The following CSMD2 variants were observed in gnomAD, a reference collection of about 807,000 sequenced individuals.
The protein encoded by CSMD2 is CUB and Sushi multiple domains 2.
A neutral mutation model predicts 398.5 loss-of-function variants in CSMD2; 130 were observed. That is an observed-to-expected ratio of 0.33 (90% CI 0.28 to 0.38). The LOEUF (loss-of-function observed/expected upper bound fraction) is 0.38. CSMD2 is among the 10% of genes least tolerant of loss of function. The pLI, the probability that CSMD2 is intolerant of heterozygous loss-of-function variation, is 1.00. For missense variants in CSMD2, 3,829 were observed against 4,764.9 expected (o/e 0.80, Z 5.78); for synonymous variants, 1,828 against 1,908.5 (o/e 0.96, Z 1.10).
intron 3 of CSMD2, among the ~76,000 whole-genome samples, chr1:34,007,569 ACT>A (rs1647099905): frequency 6.6e-6 from 1 of 152,046 alleles, no homozygotes; most frequent in Non-Finnish European, 1.5e-5. Context: ...ACATACCAAA[ACT>A]CTTTGAAATG....
chr1:34,154,818 C>T (rs1040195309), intron 1 of CSMD2, among the ~76,000 whole-genome samples: 12 of 151,622 alleles, frequency 7.9e-5, no homozygotes, highest in Middle Eastern at 3.2e-3. Flanking sequence ...AACTCCACCT[C>T]CCAGGTTCAA....
intron 13 of CSMD2, among the ~76,000 whole-genome samples, chr1:33,746,978 G>A (rs1205885980): frequency 6.6e-6 from 1 of 152,164 alleles, no homozygotes; most frequent in Non-Finnish European, 1.5e-5. Flanking sequence ...ACATAGTACA[G>A]ATGTGTCCCT....
At chr1:33,781,806 A>T (rs1652801045) in intron 12 of CSMD2, among the ~76,000 whole-genome samples, 1 of 152,162 alleles carries the variant, frequency 6.6e-6, no homozygotes, top group Non-Finnish European at 1.5e-5. Context: ...AATTGCAACT[A>T]TGACTGCATT....
chr1:33,578,814 T>C (rs1360105429), intron 48 of CSMD2, among the ~76,000 whole-genome samples: 2 of 151,778 alleles, frequency 1.3e-5, no homozygotes, highest in Non-Finnish European at 2.9e-5. Flanking sequence ...CCTGGTGAGG[T>C]CCCCGGCCTC....
chr1:33,583,596 C>T, intron 47 of CSMD2, 46 bp downstream of exon 47: 1 of 1,577,968 alleles, frequency 6.3e-7, no homozygotes, highest in Non-Finnish European at 8.7e-7. Context: ...TGGAGCAAGT[C>T]CATGTCTTCT....
intron 2 of CSMD2, among the ~76,000 whole-genome samples, chr1:34,034,678 A>G (rs1650894884): frequency 6.6e-6 from 1 of 152,186 alleles, no homozygotes; most frequent in Non-Finnish European, 1.5e-5. Flanking sequence ...TTCTTAAACT[A>G]GCTTGACTTG....
intron 25 of CSMD2, among the ~76,000 whole-genome samples, chr1:33,676,691 A>G (rs1451765192): frequency 2.6e-5 from 4 of 152,150 alleles, no homozygotes; most frequent in Admixed American, 6.5e-5. Flanking sequence ...GAGGCATCAC[A>G]CTACCTGACT....
chr1:34,055,120 T>C (rs1359355659), intron 2 of CSMD2, among the ~76,000 whole-genome samples: 1 of 152,106 alleles, frequency 6.6e-6, no homozygotes, highest in Non-Finnish European at 1.5e-5. Flanking sequence ...CTGCTGCTTC[T>C]CCCAGCAGTC....
At chr1:33,792,365 AC>A (rs1039686529) in intron 11 of CSMD2, 57 bp downstream of exon 11, 19 of 1,252,992 alleles carry the variant, frequency 1.5e-5, no homozygotes, top group Admixed American at 3.4e-5. Flanking sequence ...CACAAACCCC[AC>A]CCCACCAACC....
At chr1:33,893,176 G>T (rs1035074907) in intron 5 of CSMD2, among the ~76,000 whole-genome samples, 1 of 152,218 alleles carries the variant, frequency 6.6e-6, no homozygotes, top group African/African-American at 2.4e-5. Context: ...GGAGGGGAAA[G>T]AAATTAAAAC....
intron 13 of CSMD2, among the ~76,000 whole-genome samples, chr1:33,768,732 C>A (rs934960920): frequency 3.9e-5 from 6 of 152,106 alleles, no homozygotes; most frequent in Non-Finnish European, 5.9e-5. Flanking sequence ...AAGCCCAGCT[C>A]AAGTCTTGTA....
At position 33,635,445 on chromosome 1, in the gene CSMD2, G is replaced by A; in HGVS notation, c.4970-115C>T. 1.6e-6 allele frequency: 1 copy of A among 623,102 alleles called. No individual in the cohort carries two copies. The highest frequency in any genetic ancestry group is 2.8e-6 in the Non-Finnish European group (1 of 353,630). The allele number at this position is 623,102 out of a possible 1,614,324, so 38.6% of individuals were successfully genotyped here. On this transcript the variant is annotated intron_variant, in intron 30 of 70. Coordinates refer to ENST00000373381, the MANE Select transcript of CSMD2 (RefSeq NM_001281956.2). This position sits in a 1 kb window ranked among gnomAD's most constrained non-coding sequence, Gnocchi z 5.0. ...CCCCAGTAGGGCTGCCCTGAGGTGG[G>A]CAGGCCCTAGCTTGGAGAAGGCAAG...
intron 68 of CSMD2, among the ~76,000 whole-genome samples, chr1:33,520,885 T>A (rs899643623): frequency 6.6e-6 from 1 of 152,106 alleles, no homozygotes; most frequent in South Asian, 2.1e-4. Context: ...CACCAGAGTC[T>A]GAGGCTGGGC....
chr1:33,904,554 A>G (rs1391020293), intron 5 of CSMD2, among the ~76,000 whole-genome samples: 1 of 152,166 alleles, frequency 6.6e-6, no homozygotes, highest in African/African-American at 2.4e-5. Context: ...TGGGAAGGCA[A>G]AAAAGGTACT....
intron 55 of CSMD2, among the ~76,000 whole-genome samples, chr1:33,556,921 G>GC (rs1220800188): frequency 6.6e-6 from 1 of 152,098 alleles, no homozygotes; most frequent in Non-Finnish European, 1.5e-5. Flanking sequence ...GGCCTCCCCA[G>GC]CCCTGTGAAA....
At chr1:33,916,721 G>A (rs2125279099) in intron 5 of CSMD2, among the ~76,000 whole-genome samples, 1 of 152,238 alleles carries the variant, frequency 6.6e-6, no homozygotes, top group Admixed American at 6.5e-5. Flanking sequence ...TCCCAAATCT[G>A]AGCCTATACT....
intron 44 of CSMD2, among the ~76,000 whole-genome samples, chr1:33,596,973 T>C (rs1413239566): frequency 1.3e-5 from 2 of 152,216 alleles, no homozygotes; most frequent in African/African-American, 4.8e-5. Context: ...TCACCTGTTA[T>C]TTGGAGTCCA....
chr1:34,118,147 C>T lies in CSMD2; in HGVS notation c.188-28954G>A, dbSNP rs58038461. On this transcript the variant is annotated intron_variant, in intron 1 of 70. Transcript: ENST00000373381. Reference sequence around the variant, plus strand: ...AAGAGAATCACTTGAACCCAGGAGGCGAAGGTTGCAGTGAGCCAAGATCAT... The same window carrying T: ...AAGAGAATCACTTGAACCCAGGAGGTGAAGGTTGCAGTGAGCCAAGATCAT... Among the ~76,000 whole-genome samples the T allele has an allele frequency of 4.5e-3, 688 of 152,162 alleles. 5 individuals carry two copies. Among genetic ancestry groups the T allele is most frequent in the African/African-American group, 0.016 (646 of 41,506 alleles).
intron 12 of CSMD2, among the ~76,000 whole-genome samples, chr1:33,784,441 G>C (rs551636985): frequency 1.3e-5 from 2 of 152,290 alleles, no homozygotes; most frequent in South Asian, 4.1e-4. Flanking sequence ...AAAGTCAAAG[G>C]TGGAAGGGAC....
Sources: allele counts gnomAD v4.1 joint callset (sites outside exome capture counted in the v4.1 genomes callset), GRCh38; gene constraint gnomAD v4.1.1; non-coding constraint Gnocchi (gnomAD v3.1); transcripts MANE v1.5; gene names NCBI Gene and HGNC (gene_info 2026-07-23, HGNC 2026-07-21).